The following ADGRB3 variants were observed in gnomAD, a reference collection of about 807,000 sequenced individuals.
ADGRB3 encodes brain-specific angiogenesis inhibitor 3.
In ADGRB3, 37 loss-of-function variants were observed where a neutral mutation model predicts 193.4. The observed-to-expected ratio is 0.19, with a 90% confidence interval of 0.15 to 0.25. ADGRB3 has a LOEUF of 0.25. Among genes scored for constraint, ADGRB3 ranks in the 10% least tolerant of loss-of-function variants. The probability of loss-of-function intolerance (pLI) is 1.00; values close to 1 mark genes in which losing one functional copy is unlikely to be tolerated. For synonymous variants in ADGRB3, 690 were observed against 644.2 expected (o/e 1.07, Z -1.08); for missense variants, 1,637 against 1,852.9 (o/e 0.88, Z 2.14).
At chr6:69,332,898 G>T in intron 23 of ADGRB3, 25 bp from the exon 24 acceptor site, 1 of 1,611,308 alleles carries the variant, frequency 6.2e-7, no homozygotes, top group South Asian at 1.1e-5. Context: ...ATCATTGAAA[G>T]GTCAACTTTG....
At chr6:68,671,846 G>C (rs956222531) in intron 3 of ADGRB3, among the ~76,000 whole-genome samples, 3 of 151,934 alleles carry the variant, frequency 2.0e-5, no homozygotes, top group Non-Finnish European at 4.4e-5. Flanking sequence ...ATTGGTATTA[G>C]GTCTTCTTTA....
chr6:68,817,628 G>T (rs977754822), intron 3 of ADGRB3, among the ~76,000 whole-genome samples: 1 of 151,676 alleles, frequency 6.6e-6, no homozygotes, highest in Non-Finnish European at 1.5e-5. Context: ...TGTAAAAGCA[G>T]TCTTGTAATA....
chr6:69,209,708 A>T (rs992507894), intron 17 of ADGRB3, among the ~76,000 whole-genome samples: 1 of 152,204 alleles, frequency 6.6e-6, no homozygotes, highest in African/African-American at 2.4e-5. Flanking sequence ...GGCCTTATGG[A>T]CATAAATGGA....
intron 17 of ADGRB3, among the ~76,000 whole-genome samples, chr6:69,150,425 T>C (rs1774640516): frequency 6.6e-6 from 1 of 152,020 alleles, no homozygotes; most frequent in Non-Finnish European, 1.5e-5. Context: ...CAGTCTACTG[T>C]GAATGTTCAC....
rs142234376 is a variant in ADGRB3 at position 69,087,712 on chromosome 6, T to C, written c.2480+11674T>C. Among the ~76,000 whole-genome samples the C allele has an allele frequency of 9.5e-4, 145 of 152,176 alleles. 1 individual carries two copies. Among genetic ancestry groups the C allele is most frequent in the African/African-American group, 3.4e-3 (141 of 41,530 alleles). On this transcript the variant is annotated intron_variant, in intron 17 of 31. Coordinates refer to ENST00000370598, the MANE Select transcript of ADGRB3 (RefSeq NM_001704.3). ...GTTGAAAAGTCAAAAAAGAATTATT[T>C]ATGAAAAAAGAATAGGTAGAAAGAA...
chr6:68,760,467 G>A (rs1389762983), intron 3 of ADGRB3, among the ~76,000 whole-genome samples: 3 of 152,190 alleles, frequency 2.0e-5, no homozygotes, highest in Non-Finnish European at 4.4e-5. Context: ...AATTCATAAA[G>A]TATCAAAGGA....
intron 16 of ADGRB3, among the ~76,000 whole-genome samples, chr6:69,069,674 T>C (rs1235223980): frequency 2.2e-5 from 3 of 137,820 alleles, no homozygotes; most frequent in Non-Finnish European, 3.0e-5. Flanking sequence ...GAGGTTGCAG[T>C]GAGCCAAGAT....
At chr6:68,671,140 T>C (rs1346248119) in intron 3 of ADGRB3, among the ~76,000 whole-genome samples, 2 of 151,984 alleles carry the variant, frequency 1.3e-5, no homozygotes, top group South Asian at 4.1e-4. Context: ...TTTTTATCAG[T>C]TCTAATTGTT....
At chr6:68,796,019 C>CG (rs1767200190) in intron 3 of ADGRB3, among the ~76,000 whole-genome samples, 1 of 151,918 alleles carries the variant, frequency 6.6e-6, no homozygotes, top group Non-Finnish European at 1.5e-5. Context: ...TAAATGATAA[C>CG]CCTGTGCTTA....
intron 17 of ADGRB3, among the ~76,000 whole-genome samples, chr6:69,177,942 T>A (rs985954734): frequency 6.6e-6 from 1 of 152,148 alleles, no homozygotes; most frequent in Admixed American, 6.5e-5. Flanking sequence ...TCCATAGATA[T>A]CTATTAGCTC....
At chr6:68,801,977 C>CA (rs1436460483) in intron 3 of ADGRB3, among the ~76,000 whole-genome samples, 3 of 152,028 alleles carry the variant, frequency 2.0e-5, no homozygotes, top group African/African-American at 7.2e-5. Context: ...AAGCTGACCC[C>CA]AAAAAATTGT....
intron 17 of ADGRB3, among the ~76,000 whole-genome samples, chr6:69,106,177 A>AG (rs1561920774): frequency 2.7e-5 from 4 of 149,420 alleles, no homozygotes; most frequent in Non-Finnish European, 4.5e-5. Context: ...AAAAAAAAAA[A>AG]AAAAAAGAAA....
At chr6:69,138,594 A>G (rs920076474) in intron 17 of ADGRB3, among the ~76,000 whole-genome samples, 5 of 152,222 alleles carry the variant, frequency 3.3e-5, no homozygotes, top group African/African-American at 1.2e-4. Context: ...AATTGGCTCA[A>G]TGTCAGGTTC....
chr6:68,772,324 G>GA (rs1440209878), intron 3 of ADGRB3, among the ~76,000 whole-genome samples: 2 of 152,090 alleles, frequency 1.3e-5, no homozygotes, highest in African/African-American at 2.4e-5. Context: ...GGGAAATACA[G>GA]AAGATGGATG....
chr6:68,782,916 A>G lies in ADGRB3; in HGVS notation c.757+143484A>G, dbSNP rs199565433. On this transcript the variant is annotated intron_variant, in intron 3 of 31. Coordinates refer to ENST00000370598, the MANE Select transcript of ADGRB3 (RefSeq NM_001704.3). The stretch of plus-strand genomic sequence containing the variant: ...TAAGTATACTCATTTTTATAGACAT[A>G]CCAAGTGATAACATATGAAATGAGA... Among the ~76,000 whole-genome samples the G allele has an allele frequency of 1.8e-4, 28 of 152,086 alleles. No individual in the cohort carries two copies. In the East Asian group the frequency reaches 5.4e-3, roughly 29 times the overall value.
intron 20 of ADGRB3, 59 bp downstream of exon 20, chr6:69,239,285 T>C: frequency 8.6e-7 from 1 of 1,165,206 alleles, no homozygotes; most frequent in Non-Finnish European, 1.2e-6. Flanking sequence ...ATATTGTTAG[T>C]TATTGATAAT....
At chr6:68,720,951 T>A (rs1002119534) in intron 3 of ADGRB3, among the ~76,000 whole-genome samples, 1 of 151,746 alleles carries the variant, frequency 6.6e-6, no homozygotes, top group Non-Finnish European at 1.5e-5. Flanking sequence ...TTTCTGAAAG[T>A]TTTTTGTTCT....
At chr6:68,750,436 GA>G (rs1199146727) in intron 3 of ADGRB3, among the ~76,000 whole-genome samples, 2 of 152,070 alleles carry the variant, frequency 1.3e-5, no homozygotes, top group African/African-American at 4.8e-5. Context: ...TAGACTCCAT[GA>G]AAAAAATGAA....
intron 24 of ADGRB3, among the ~76,000 whole-genome samples, chr6:69,334,046 G>A (rs1030542924): frequency 6.6e-6 from 1 of 150,714 alleles, no homozygotes; most frequent in African/African-American, 2.4e-5. Context: ...TGACAGTAAC[G>A]TCTCATATAT....
Sources: gnomAD v4.1 joint callset for allele counts (sites outside exome capture counted in the v4.1 genomes callset) on GRCh38, gnomAD v4.1.1 for gene constraint, MANE v1.5 for transcripts, NCBI Gene and HGNC (gene_info 2026-07-23, HGNC 2026-07-21) for gene names.